Variants in PDGFB observed in about 807,000 individuals in gnomAD.
PDGFB encodes the protein platelet derived growth factor subunit B.
PDGFB carries 6 observed loss-of-function variants against 29.0 expected under a neutral mutation model. The ratio of observed to expected loss-of-function variants is 0.21; its 90% CI spans 0.11 to 0.41. The LOEUF (loss-of-function observed/expected upper bound fraction) is 0.41, where lower values mean the gene tolerates loss of function less well. PDGFB is among the 10% of genes least tolerant of loss of function. PDGFB has a pLI of 1.00. For synonymous variants in PDGFB, 144 were observed against 140.8 expected, an observed-to-expected ratio of 1.02 and a Z score of -0.16; for missense variants, 299 against 341.8, an observed-to-expected ratio of 0.87 and a Z score of 0.99.
intron 2 of PDGFB, among the ~76,000 whole-genome samples, chr22:39,234,363 G>A (rs1054682084): frequency 5.3e-5 from 8 of 152,214 alleles, no homozygotes; most frequent in Non-Finnish European, 1.0e-4. Context: ...GGAAGTGAGG[G>A]CTGAGGGAGG....
intron 1 of PDGFB, chr22:39,240,988 T>C: frequency 8.2e-7 from 1 of 1,218,860 alleles, no homozygotes; most frequent in Non-Finnish European, 1.2e-6. Context: ...ATCCTCCAAA[T>C]TCTGTTTGAC....
chr22:39,239,089 G>A (rs1041419247), intron 1 of PDGFB, among the ~76,000 whole-genome samples: 10 of 152,356 alleles, frequency 6.6e-5, no homozygotes, highest in Middle Eastern at 3.4e-3. Context: ...TACCTCGCCC[G>A]GGGTTACTGG....
rs1216505109 is a variant in PDGFB at position 39,235,841 on chromosome 22, G to GCAT, written c.94_96dup (p.Met32dup). The GCAT allele has an allele frequency of 1.2e-6, 2 of 1,613,790 alleles. No homozygotes were observed. The highest frequency in any genetic ancestry group is 2.7e-5 in the African/African-American group (2 of 74,940). On this transcript the variant is annotated inframe_insertion, in exon 2 of 7. Coordinates refer to ENST00000331163, the MANE Select transcript of PDGFB (RefSeq NM_002608.4). ...AAGGAGCGGATCGAGTGGTCACTCA[G>GCAT]CATCTCATAAAGCTCCTCGGGAATG...
Position 39,243,793 on chromosome 22 carries a change from G to A in PDGFB, c.63+108C>T. 2.4e-6 allele frequency: 2 copies of A among 822,428 alleles called. No individual in the cohort carries two copies. Among genetic ancestry groups the A allele is most frequent in the South Asian group, 4.0e-5 (2 of 50,354 alleles). The allele number at this position is 822,428 out of a possible 1,614,324, so 50.9% of individuals were successfully genotyped here. A position where few individuals can be genotyped will look rare whatever the true frequency, so the allele number is the denominator to read the frequency against. ...TCACCCAGCGCCCGGCGTCAGGCTC[G>A]CGGGCTGCAAGGGTCCAAAGTTCAC... On this transcript the variant is annotated intron_variant, in intron 1 of 6. Transcript: ENST00000331163. The surrounding 1 kb of genome is among the most constrained non-coding windows in gnomAD (Gnocchi z 6.4).
chr22:39,234,764 C>T (rs1215111193), intron 2 of PDGFB, among the ~76,000 whole-genome samples: 2 of 152,252 alleles, frequency 1.3e-5, no homozygotes, highest in Non-Finnish European at 2.9e-5. Flanking sequence ...TGCCTTGAAA[C>T]AGGCCTGCTA....
intron 1 of PDGFB, 125 bp from the exon 2 acceptor site, chr22:39,235,999 C>G (rs934910802): frequency 3.7e-5 from 25 of 682,280 alleles, no homozygotes; most frequent in Non-Finnish European, 6.4e-5. Flanking sequence ...GGGAGACGGA[C>G]AGGCAGGATC....
At chr22:39,228,893 A>AAAAAAAATATATATATATAT (rs1184799325) in intron 5 of PDGFB, among the ~76,000 whole-genome samples, 16 of 132,620 alleles carry the variant, frequency 1.2e-4, no homozygotes, top group South Asian at 2.4e-4. Context: ...CCTCAAAAAA[A>AAAAAAAATATATATATATAT]ATATATATAT....
intron 4 of PDGFB, among the ~76,000 whole-genome samples, chr22:39,230,655 T>C (rs1043238824): frequency 1.3e-5 from 2 of 152,032 alleles, no homozygotes; most frequent in Admixed American, 6.6e-5. Context: ...TGTCCATCCA[T>C]AGAGCTGGAA....
At chr22:39,240,896 C>A (rs993291345) in intron 1 of PDGFB, 6 of 591,088 alleles carry the variant, frequency 1.0e-5, no homozygotes, top group Non-Finnish European at 1.4e-5. Flanking sequence ...CTCAGTCAGT[C>A]TCTCTCTCTC....
intron 5 of PDGFB, 60 bp from the exon 6 acceptor site, chr22:39,225,907 C>A: frequency 6.5e-7 from 1 of 1,545,908 alleles, no homozygotes; most frequent in Non-Finnish European, 8.8e-7. Context: ...TCTCTCCCCA[C>A]TGACCAAGGC....
chr22:39,228,489 T>A (rs1460521772), intron 5 of PDGFB, among the ~76,000 whole-genome samples: 1 of 152,060 alleles, frequency 6.6e-6, no homozygotes, highest in African/African-American at 2.4e-5. Context: ...CTCAGGAGGC[T>A]GAGGAGGGAG....
At chr22:39,237,172 CA>C (rs1018606074) in intron 1 of PDGFB, among the ~76,000 whole-genome samples, 36 of 151,978 alleles carry the variant, frequency 2.4e-4, no homozygotes, top group African/African-American at 7.7e-4. Flanking sequence ...TGGCCAGCCT[CA>C]GGGGGCTCTC....
At chr22:39,227,457 C>T (rs1932195687) in intron 5 of PDGFB, among the ~76,000 whole-genome samples, 1 of 152,242 alleles carries the variant, frequency 6.6e-6, no homozygotes, top group Admixed American at 6.5e-5. Context: ...GGAGACAATA[C>T]ATGGAAATGG....
chr22:39,239,297 C>T (rs150812965), intron 1 of PDGFB, among the ~76,000 whole-genome samples: 58 of 151,986 alleles, frequency 3.8e-4, no homozygotes, highest in African/African-American at 1.1e-3. Context: ...TGAAAGAGTG[C>T]GTGACTTTGC....
chr22:39,236,525 G>A (rs145559303), intron 1 of PDGFB, among the ~76,000 whole-genome samples: 3 of 152,360 alleles, frequency 2.0e-5, no homozygotes, highest in African/African-American at 7.2e-5. Flanking sequence ...CCCGTGCCCT[G>A]TGCCCAACCA....
intron 1 of PDGFB, chr22:39,240,987 A>C: frequency 4.1e-6 from 5 of 1,216,600 alleles, no homozygotes; most frequent in Non-Finnish European, 6.0e-6. Context: ...GATCCTCCAA[A>C]TTCTGTTTGA....
intron 5 of PDGFB, among the ~76,000 whole-genome samples, chr22:39,226,160 G>T (rs536841170): frequency 6.6e-6 from 1 of 152,326 alleles, no homozygotes; most frequent in Admixed American, 6.5e-5. Flanking sequence ...ACTGGACACA[G>T]AGCCGGGTAG....
chr22:39,225,991 A>C, intron 5 of PDGFB, 144 bp from the exon 6 acceptor site: 1 of 843,566 alleles, frequency 1.2e-6, no homozygotes, highest in Non-Finnish European at 1.8e-6. Flanking sequence ...TTGGATCCCA[A>C]CTCCACTGCT....
intron 2 of PDGFB, 89 bp downstream of exon 2, chr22:39,235,688 CA>C (rs1932423818): frequency 1.1e-6 from 1 of 911,832 alleles, no homozygotes; most frequent in Non-Finnish European, 1.7e-6. Flanking sequence ...CTCCAGACGT[CA>C]AGAAGGAGGG....
Sources: allele counts gnomAD v4.1 joint callset (sites outside exome capture counted in the v4.1 genomes callset), GRCh38; gene constraint gnomAD v4.1.1; non-coding constraint Gnocchi (gnomAD v3.1); transcripts MANE v1.5; gene names NCBI Gene and HGNC (gene_info 2026-07-23, HGNC 2026-07-21).